SUPT4H1: variants seen among roughly 807,000 people sequenced by gnomAD.
The protein encoded by SUPT4H1 is SPT4 homolog, DSIF elongation factor subunit.
Under a neutral mutation model 19.4 loss-of-function variants are expected in SUPT4H1, and 12 were observed. The observed-to-expected ratio is 0.62, with a 90% confidence interval of 0.40 to 1.00. The LOEUF (loss-of-function observed/expected upper bound fraction) is 1.00. Ranked by LOEUF, SUPT4H1 falls within the 50% of genes least tolerant of loss-of-function variation. The pLI is 0.00. For synonymous variants in SUPT4H1, 58 were observed against 56.3 expected (o/e 1.03, Z -0.14); for missense variants, 115 against 149.2 (o/e 0.77, Z 1.19).
chr17:58,348,903 C>A (rs564804683), intron 2 of SUPT4H1, among the ~76,000 whole-genome samples: 33 of 152,274 alleles, frequency 2.2e-4, no homozygotes, highest in African/African-American at 7.2e-4. Flanking sequence ...AAAAACCAAA[C>A]TGAAGTCAAA....
chr17:58,351,764 T>C, intron 1 of SUPT4H1: 1 of 572,902 alleles, frequency 1.7e-6, no homozygotes, highest in Middle Eastern at 4.6e-4. Flanking sequence ...CCTTTCCGAC[T>C]ACTCACTCAG....
intron 2 of SUPT4H1, among the ~76,000 whole-genome samples, chr17:58,349,753 G>A (rs1972418411): frequency 7.4e-6 from 1 of 134,992 alleles, no homozygotes; most frequent in Non-Finnish European, 1.6e-5. Context: ...AATGAACCTT[G>A]AAGACATTAT....
chr17:58,347,647 G>C, intron 2 of SUPT4H1, 63 bp from the exon 3 acceptor site: 2 of 1,544,586 alleles, frequency 1.3e-6, no homozygotes. Flanking sequence ...TCAATTCTGA[G>C]AGAGGAATCT....
At chr17:58,347,153 A>C in intron 4 of SUPT4H1, 35 bp downstream of exon 4, 1 of 1,601,434 alleles carries the variant, frequency 6.2e-7, no homozygotes, top group Non-Finnish European at 8.6e-7. Context: ...AGAGCTTTAC[A>C]GTAAATGAAC....
intron 1 of SUPT4H1, 189 bp from the exon 2 acceptor site, chr17:58,351,697 C>G: frequency 1.7e-6 from 1 of 583,048 alleles, no homozygotes; most frequent in Non-Finnish European, 3.0e-6. Flanking sequence ...TCCTTCCTCT[C>G]TCGTTCCCAA....
chr17:58,348,267 T>C (rs1301092169), intron 2 of SUPT4H1, among the ~76,000 whole-genome samples: 2 of 152,180 alleles, frequency 1.3e-5, no homozygotes, highest in Non-Finnish European at 2.9e-5. Context: ...GGTAAGCATT[T>C]TTGTCATTCA....
chr17:58,352,047 A>G lies in SUPT4H1; in HGVS notation c.69+20T>C. ...ACCTTGGTCCCCCATGGGCCCTACA[A>G]CCAGGTCCCCGACTGACACCTTGAC... On this transcript the variant is annotated intron_variant, in intron 1 of 4. Coordinates refer to ENST00000225504, the MANE Select transcript of SUPT4H1 (RefSeq NM_003168.3). 1 of 1,613,630 alleles carries G rather than the reference A, an allele frequency of 6.2e-7. No individual in the cohort carries two copies. The highest frequency in any genetic ancestry group is 1.1e-5 in the South Asian group (1 of 91,064).
At chr17:58,350,843 A>AG (rs1440524771) in intron 2 of SUPT4H1, among the ~76,000 whole-genome samples, 9 of 119,538 alleles carry the variant, frequency 7.5e-5, no homozygotes, top group Non-Finnish European at 1.7e-4. Flanking sequence ...GTCCAAAAAA[A>AG]AAAAAAAAAA....
In SUPT4H1 at chr17:58,351,429, T is replaced by C. The variant is rs942453172; in HGVS notation, c.149A>G (p.Tyr50Cys). The change falls in exon 2 of 5, where the codon TAT becomes TGT. Residue 50 changes from tyrosine (Y) to cysteine (C), a missense_variant. Physicochemically the swap from Tyr to Cys is radical, Grantham distance 194. Coordinates refer to ENST00000225504, the MANE Select transcript of SUPT4H1 (RefSeq NM_003168.3). ...ATCAAAGGAAGAGCTAGTGCAGTCA[T>C]ATACCATCTCTCGGTTACCCTTCAT... Reference protein sequence around the residue: ...LQMKGNREMVYDCTSSSFDGI... With the variant: ...LQMKGNREMVCDCTSSSFDGI... 1 of 1,613,756 alleles carries C rather than the reference T, an allele frequency of 6.2e-7. No homozygotes were observed. The highest frequency in any genetic ancestry group is 8.5e-7 in the Non-Finnish European group (1 of 1,179,824).
chr17:58,347,085 A>G, intron 4 of SUPT4H1, 103 bp downstream of exon 4: 2 of 1,193,054 alleles, frequency 1.7e-6, no homozygotes, highest in Non-Finnish European at 2.5e-6. Context: ...CCATCTGTAA[A>G]ATGCTGAACC....
chr17:58,350,705 G>A (rs1306585503), intron 2 of SUPT4H1, among the ~76,000 whole-genome samples: 1 of 147,310 alleles, frequency 6.8e-6, no homozygotes, highest in African/African-American at 2.5e-5. Context: ...GAGTGGTGGT[G>A]GGTGCCTGTA....
chr17:58,351,444 T>C lies in SUPT4H1; in HGVS notation c.134A>G (p.Asn45Ser), dbSNP rs1261690515. 3 of 1,613,916 alleles carry C rather than the reference T, an allele frequency of 1.9e-6. No individual in the cohort carries two copies. Among genetic ancestry groups the C allele is most frequent in the Non-Finnish European group, 2.5e-6 (3 of 1,179,976 alleles). Residue 45 changes from asparagine to serine, a missense_variant, in exon 2 of 5, where the codon AAC becomes AGC. Physicochemically the swap from Asn to Ser is conservative, Grantham distance 46 (BLOSUM62 1). Coordinates refer to ENST00000225504, the MANE Select transcript of SUPT4H1 (RefSeq NM_003168.3). ...NCDAYLQMKGNREMVYDCTSS... is the reference protein window; with the variant it reads ...NCDAYLQMKGSREMVYDCTSS... ...AGTGCAGTCATATACCATCTCTCGG[T>C]TACCCTTCATTTGTAGATATGCATC...
In SUPT4H1 at chr17:58,352,174, ACAGCCTGTG is replaced by A; in HGVS notation, c.-48_-40del. On this transcript the variant is annotated 5_prime_UTR_variant, in exon 1 of 5. Coordinates refer to ENST00000225504, the MANE Select transcript of SUPT4H1 (RefSeq NM_003168.3). ...AAGAACAACAGGGAGATAGACGACC[ACAGCCTGTG>A]CACCCGCAGGAAGTAAATAGCTCGT... 6.2e-7 allele frequency: 1 copy of A among 1,601,156 alleles called. No individual in the cohort carries two copies. The highest frequency in any genetic ancestry group is 8.6e-7 in the Non-Finnish European group (1 of 1,168,650).
intron 2 of SUPT4H1, among the ~76,000 whole-genome samples, chr17:58,348,279 C>T (rs1056694503): frequency 1.3e-5 from 2 of 152,136 alleles, no homozygotes; most frequent in Non-Finnish European, 2.9e-5. Flanking sequence ...TGTCATTCAA[C>T]GCATTCAATC....
chr17:58,347,061 G>GT (rs1972318116), intron 4 of SUPT4H1, 127 bp downstream of exon 4: 7 of 924,806 alleles, frequency 7.6e-6, no homozygotes, highest in Middle Eastern at 2.2e-4. Context: ...TAACCTCTCT[G>GT]TGCCTGGTTC....
chr17:58,349,368 A>T (rs1008608182), intron 2 of SUPT4H1, among the ~76,000 whole-genome samples: 3 of 152,280 alleles, frequency 2.0e-5, no homozygotes, highest in Non-Finnish European at 2.9e-5. Flanking sequence ...CGCAGCAGCC[A>T]TGAGCCACAG....
At chr17:58,351,931 T>C in intron 1 of SUPT4H1, 136 bp downstream of exon 1, 1 of 895,258 alleles carries the variant, frequency 1.1e-6, no homozygotes, top group Non-Finnish European at 1.7e-6. Flanking sequence ...GATGGCCTCC[T>C]TCGGCTTCTC....
chr17:58,347,297 T>C, intron 3 of SUPT4H1, 56 bp from the exon 4 acceptor site: 2 of 1,586,142 alleles, frequency 1.3e-6, no homozygotes, highest in Non-Finnish European at 1.7e-6. Flanking sequence ...AGACTCAAGA[T>C]CAAATGGAAG....
At position 58,346,149 on chromosome 17, in the gene SUPT4H1, G is replaced by T; in HGVS notation, c.*97C>A. 3.1e-6 allele frequency: 3 copies of T among 966,124 alleles called. No homozygotes were observed. Among genetic ancestry groups the T allele is most frequent in the Non-Finnish European group, 3.3e-6 (2 of 597,694 alleles). 59.8% of individuals were successfully genotyped at this position (966,124 alleles called of 1,614,324 possible). A position where few individuals can be genotyped will look rare whatever the true frequency, so the allele number is the denominator to read the frequency against. On this transcript the variant is annotated 3_prime_UTR_variant, in exon 5 of 5. Transcript: ENST00000225504. ...CAGTCAGCTGAGTCTGAATTGGAGG[G>T]TAGGAAGTATTTGAAGTTCTGTTCA... is the stretch of plus-strand genomic sequence containing the variant.
Sources: gnomAD v4.1 joint callset for allele counts (sites outside exome capture counted in the v4.1 genomes callset) on GRCh38, gnomAD v4.1.1 for gene constraint, MANE v1.5 for transcripts, NCBI Gene and HGNC (gene_info 2026-07-23, HGNC 2026-07-21) for gene names.